The following ARHGAP29 variants were observed in gnomAD, a reference collection of about 807,000 sequenced individuals.
ARHGAP29 encodes the protein rho GTPase-activating protein 29.
Under a neutral mutation model 122.6 loss-of-function variants are expected in ARHGAP29, and 43 were observed. The ratio of observed to expected loss-of-function variants is 0.35; its 90% CI spans 0.27 to 0.45. ARHGAP29 has a LOEUF of 0.45. Among genes scored for constraint, ARHGAP29 ranks in the 20% least tolerant of loss-of-function variants. The pLI is 1.00. For synonymous variants in ARHGAP29, 506 were observed against 497.1 expected, an observed-to-expected ratio of 1.02 and a Z score of -0.24; for missense variants, 1,303 against 1,477.2, an observed-to-expected ratio of 0.88 and a Z score of 1.93.
At chr1:94,179,657 C>A in intron 20 of ARHGAP29, 68 bp downstream of exon 20, 24 of 906,182 alleles carry the variant, frequency 2.6e-5, no homozygotes, top group South Asian at 8.0e-5. Context: ...GTGGATTTTA[C>A]CACAATTAAA....
intron 1 of ARHGAP29, among the ~76,000 whole-genome samples, chr1:94,234,394 A>C (rs1214529422): frequency 6.6e-6 from 1 of 152,214 alleles, no homozygotes; most frequent in Non-Finnish European, 1.5e-5. Flanking sequence ...AACTCTCTAA[A>C]ATGGTATGTT....
chr1:94,174,646 T>A lies in ARHGAP29; in HGVS notation c.3009A>T (p.Thr1003=), dbSNP rs1648975220. 1.9e-6 allele frequency: 3 copies of A among 1,613,994 alleles called. No individual in the cohort carries two copies. The East Asian group carries it at 6.7e-5, about 36-fold the overall frequency. The part of the protein sequence containing the change: ...KPLSLKSDRS[T]NNVERHTPRT... The stretch of plus-strand genomic sequence containing the variant: ...TTGGAGTATGCCTCTCCACATTGTT[T>A]GTTGACCTATCAGATTTCAGAGAAA... Residue 1003 remains threonine, a synonymous_variant, in exon 23 of 23, where the codon ACA becomes ACT. Transcript: ENST00000260526.
chr1:94,265,749 C>A (rs1244093049), intron 1 of ARHGAP29, among the ~76,000 whole-genome samples: 2 of 152,168 alleles, frequency 1.3e-5, no homozygotes, highest in Admixed American at 6.5e-5. Flanking sequence ...TTCCTTAGAC[C>A]TATTGCTGAA....
chr1:94,258,449 G>C (rs1654443481), intron 1 of ARHGAP29, among the ~76,000 whole-genome samples: 1 of 152,224 alleles, frequency 6.6e-6, no homozygotes, highest in African/African-American at 2.4e-5. Flanking sequence ...TCTGGCCTGA[G>C]AGCTGCCAGT....
At position 94,203,941 on chromosome 1, in the gene ARHGAP29, T is replaced by C. The variant is rs868866556; in HGVS notation, c.751A>G (p.Ile251Val). Residue 251 changes from isoleucine to valine, a missense_variant, in exon 8 of 23, where the codon ATT becomes GTT. Transcript: ENST00000260526. ...VKLAEATRTN[I>V]GIQEFMPLQS... ...CACAGAACACTTACCTGAATTCCAA[T>C]GTTAGTTCTAGTTGCCTCTGCCAAC... The C allele has an allele frequency of 1.3e-5, 21 of 1,613,772 alleles. No homozygotes were observed. Among genetic ancestry groups the C allele is most frequent in the East Asian group, 2.2e-5 (1 of 44,862 alleles).
chr1:94,276,297 T>C (rs1253177632), upstream of ARHGAP29, among the ~76,000 whole-genome samples: 2 of 151,992 alleles, frequency 1.3e-5, no homozygotes, highest in Non-Finnish European at 2.9e-5. Context: ...GGATATTAAG[T>C]TATTGCTTAA....
intron 1 of ARHGAP29, chr1:94,250,682 C>G (rs1053623761): frequency 1.3e-5 from 2 of 152,100 alleles, no homozygotes; most frequent in Non-Finnish European, 2.9e-5. Flanking sequence ...AAAGACATTA[C>G]CAACATCCAA....
intron 16 of ARHGAP29, 115 bp from the exon 17 acceptor site, chr1:94,185,596 T>C (rs1649749656): frequency 2.1e-6 from 2 of 949,200 alleles, no homozygotes; most frequent in South Asian, 3.3e-5. Context: ...ATAAAAAGCT[T>C]TGAATCTCTA....
intron 14 of ARHGAP29, 98 bp from the exon 15 acceptor site, chr1:94,189,039 A>G: frequency 7.2e-7 from 1 of 1,395,056 alleles, no homozygotes; most frequent in South Asian, 1.3e-5. Flanking sequence ...AATTTCTTTA[A>G]CAATAACCAG....
At chr1:94,245,413 A>T (rs1323727056) in intron 1 of ARHGAP29, among the ~76,000 whole-genome samples, 1 of 152,218 alleles carries the variant, frequency 6.6e-6, no homozygotes, top group Non-Finnish European at 1.5e-5. Context: ...ATGACATAGG[A>T]AAAAATCATA....
intron 18 of ARHGAP29, 26 bp from the exon 19 acceptor site, chr1:94,184,314 G>C (rs762408417): frequency 6.4e-7 from 1 of 1,572,880 alleles, no homozygotes. Context: ...AAAAAATTTT[G>C]CAAAATTCTT....
At chr1:94,296,930 T>A in the ARHGAP29 span, among the ~76,000 whole-genome samples, 4 of 152,344 alleles carry the variant, frequency 2.6e-5, no homozygotes, top group Admixed American at 2.6e-4. Flanking sequence ...AAATGGGTTA[T>A]ATTTGCAGAC....
chr1:94,175,057 T>A (rs927800292), intron 22 of ARHGAP29, among the ~76,000 whole-genome samples: 1 of 152,202 alleles, frequency 6.6e-6, no homozygotes, highest in Non-Finnish European at 1.5e-5. Context: ...GTCAAAAGAC[T>A]ATCACAATTT....
At chr1:94,180,458 A>G (rs1012432100) in intron 19 of ARHGAP29, among the ~76,000 whole-genome samples, 1 of 152,180 alleles carries the variant, frequency 6.6e-6, no homozygotes, top group East Asian at 1.9e-4. Flanking sequence ...GTCAAAAGAA[A>G]AAGTACCTTC....
chr1:94,267,609 G>A (rs966603906), intron 1 of ARHGAP29, among the ~76,000 whole-genome samples: 8 of 151,024 alleles, frequency 5.3e-5, no homozygotes, highest in African/African-American at 1.7e-4. Flanking sequence ...TTTTATACAC[G>A]AATATAATAA....
rs140415139 is a variant in ARHGAP29, at chr1:94,188,926, C to G, written c.1592G>C (p.Arg531Thr). 7 of 1,612,868 alleles carry G rather than the reference C, an allele frequency of 4.3e-6. No individual in the cohort carries two copies. The highest frequency in any genetic ancestry group is 5.9e-6 in the Non-Finnish European group (7 of 1,179,146). Residue 531 changes from arginine (R) to threonine (T), a missense_variant, in exon 15 of 23, where the codon AGA becomes ACA. Transcript: ENST00000260526. ...SADITGPSFI[R>T]SWTFGMFSDS... ...ACTAAACATCCCAAATGTCCATGAT[C>G]TTATAAAGGAAGGACCTTTAATAAA...
chr1:94,292,175 T>G, the ARHGAP29 span, among the ~76,000 whole-genome samples: 10 of 152,208 alleles, frequency 6.6e-5, no homozygotes, highest in Non-Finnish European at 1.0e-4. Context: ...TTCTCTAATC[T>G]TGTCTTCTCT....
At position 94,174,638 on chromosome 1, in the gene ARHGAP29, A is replaced by G. The variant is rs902221557; in HGVS notation, c.3017T>C (p.Val1006Ala). The change falls in exon 23 of 23, where the codon GTG becomes GCG. Residue 1006 changes from valine to alanine, a missense_variant. Val to Ala is a moderately conservative substitution (Grantham distance 64). Transcript: ENST00000260526. ...SLKSDRSTNN[V>A]ERHTPRTKIR... ...CTTGGTCCTTGGAGTATGCCTCTCC[A>G]CATTGTTTGTTGACCTATCAGATTT... 6.2e-7 allele frequency: 1 copy of G among 1,613,966 alleles called. No individual in the cohort carries two copies. The highest frequency in any genetic ancestry group is 8.5e-7 in the Non-Finnish European group (1 of 1,180,018).
At chr1:94,186,318 T>C (rs916692906) in intron 16 of ARHGAP29, among the ~76,000 whole-genome samples, 181 bp downstream of exon 16, 2 of 152,238 alleles carry the variant, frequency 1.3e-5, no homozygotes, top group African/African-American at 4.8e-5. Flanking sequence ...TAACATTTGA[T>C]TAATACATTA....
Sources: allele counts gnomAD v4.1 joint callset (sites outside exome capture counted in the v4.1 genomes callset), GRCh38; gene constraint gnomAD v4.1.1; transcripts MANE v1.5; gene names NCBI Gene and HGNC (gene_info 2026-07-23, HGNC 2026-07-21).